GMDS: variants seen among roughly 807,000 people sequenced by gnomAD.
GMDS encodes the protein GDP-mannose 4,6 dehydratase.
Under a neutral mutation model 49.9 loss-of-function variants are expected in GMDS, and 20 were observed. That is an observed-to-expected ratio of 0.40 (90% CI 0.28 to 0.58). The LOEUF (loss-of-function observed/expected upper bound fraction) is 0.58. GMDS is among the 20% of genes least tolerant of loss of function. The pLI is 0.42. For synonymous variants in GMDS, 177 were observed against 178.6 expected (o/e 0.99, Z 0.07); for missense variants, 362 against 481.4 (o/e 0.75, Z 2.32).
chr6:1,978,896 G>A (rs950646767), intron 4 of GMDS, among the ~76,000 whole-genome samples: 3 of 152,138 alleles, frequency 2.0e-5, no homozygotes, highest in Admixed American at 2.0e-4. Flanking sequence ...CCAGAGGAAG[G>A]GGCAAGCTGC....
intron 9 of GMDS, among the ~76,000 whole-genome samples, chr6:1,705,556 ATAAT>A (rs1765702744): frequency 6.6e-6 from 1 of 152,260 alleles, no homozygotes; most frequent in Non-Finnish European, 1.5e-5. Flanking sequence ...GACAGACTAC[ATAAT>A]TAGTCTTGTG....
intron 9 of GMDS, among the ~76,000 whole-genome samples, chr6:1,681,829 G>A (rs1259370031): frequency 1.3e-5 from 2 of 152,214 alleles, no homozygotes; most frequent in African/African-American, 4.8e-5. Flanking sequence ...CTGAGTAGAT[G>A]GGACTATAGG....
chr6:1,811,301 T>C (rs1158875652), intron 7 of GMDS, among the ~76,000 whole-genome samples: 2 of 152,206 alleles, frequency 1.3e-5, no homozygotes, highest in Non-Finnish European at 2.9e-5. Flanking sequence ...TAATATTCAG[T>C]ATGATGCCAT....
At chr6:2,042,845 C>T (rs922364174) in intron 4 of GMDS, among the ~76,000 whole-genome samples, 2 of 152,174 alleles carry the variant, frequency 1.3e-5, no homozygotes, top group Non-Finnish European at 2.9e-5. Flanking sequence ...CACTCGGACT[C>T]GTTTCCTTAA....
intron 9 of GMDS, among the ~76,000 whole-genome samples, chr6:1,663,964 C>T (rs974829941): frequency 1.4e-4 from 22 of 152,152 alleles, no homozygotes; most frequent in African/African-American, 5.3e-4. Context: ...GCTTAGCACC[C>T]TCAGGACCCA....
intron 4 of GMDS, among the ~76,000 whole-genome samples, chr6:2,079,717 C>T (rs548243169): frequency 6.6e-6 from 1 of 152,144 alleles, no homozygotes; most frequent in South Asian, 2.1e-4. Flanking sequence ...GCACTTTTCT[C>T]TTGCCTTTTT....
intron 9 of GMDS, among the ~76,000 whole-genome samples, chr6:1,642,365 C>T (rs1375773698): frequency 3.3e-5 from 5 of 151,774 alleles, no homozygotes; most frequent in Admixed American, 2.6e-4. Context: ...GACAGGGTTT[C>T]ACCATGTTGG....
chr6:2,223,764 G>C (rs1780701629), intron 1 of GMDS, among the ~76,000 whole-genome samples: 1 of 152,184 alleles, frequency 6.6e-6, no homozygotes, highest in South Asian at 2.1e-4. Flanking sequence ...ATGTGGAGTA[G>C]GAGATGTCTA....
At chr6:1,670,859 A>T (rs1764399648) in intron 9 of GMDS, among the ~76,000 whole-genome samples, 2 of 152,212 alleles carry the variant, frequency 1.3e-5, no homozygotes, top group Admixed American at 6.5e-5. Flanking sequence ...ATGCATCTTC[A>T]TTCTGAAAAC....
At chr6:2,080,271 T>G (rs1772603675) in intron 4 of GMDS, among the ~76,000 whole-genome samples, 1 of 152,244 alleles carries the variant, frequency 6.6e-6, no homozygotes, top group Admixed American at 6.5e-5. Context: ...TCACTGAGCT[T>G]CTTCACAATC....
chr6:1,872,671 A>G (rs1157271471), intron 7 of GMDS, among the ~76,000 whole-genome samples: 1 of 152,276 alleles, frequency 6.6e-6, no homozygotes. Context: ...AATAAGTCAA[A>G]GAGCAAGCAA....
intron 4 of GMDS, among the ~76,000 whole-genome samples, chr6:2,035,038 C>A (rs1206239932): frequency 1.3e-5 from 2 of 152,090 alleles, no homozygotes; most frequent in East Asian, 3.9e-4. Context: ...AGCCTTCTTA[C>A]CACATAAGAA....
intron 1 of GMDS, among the ~76,000 whole-genome samples, chr6:2,155,319 A>G (rs1469149920): frequency 3.9e-5 from 6 of 152,160 alleles, no homozygotes; most frequent in South Asian, 2.1e-4. Flanking sequence ...TGCAAAAAAG[A>G]CTATGATTTT....
At chr6:2,207,843 C>T (rs1779873536) in intron 1 of GMDS, among the ~76,000 whole-genome samples, 1 of 151,818 alleles carries the variant, frequency 6.6e-6, no homozygotes, top group African/African-American at 2.4e-5. Flanking sequence ...TTCTTAATAA[C>T]TAAGGGACAC....
chr6:2,077,318 T>C (rs1772403565), intron 4 of GMDS, among the ~76,000 whole-genome samples: 1 of 152,164 alleles, frequency 6.6e-6, no homozygotes. Context: ...CAGTGCCATG[T>C]AGAATAGGAG....
At chr6:1,898,070 C>T (rs61171046) in intron 7 of GMDS, among the ~76,000 whole-genome samples, 794 of 48,230 alleles carry the variant, frequency 0.016, 31 homozygotes, top group Middle Eastern at 0.047. Flanking sequence ...TGGACACCTA[C>T]CCTGGCCTCC....
intron 4 of GMDS, among the ~76,000 whole-genome samples, chr6:2,041,920 C>A (rs1170001110): frequency 6.6e-6 from 1 of 152,126 alleles, no homozygotes; most frequent in Non-Finnish European, 1.5e-5. Flanking sequence ...GACAATGCCA[C>A]CCACAAATGT....
At chr6:1,949,317 C>A (rs1193967341) in intron 6 of GMDS, among the ~76,000 whole-genome samples, 1 of 151,822 alleles carries the variant, frequency 6.6e-6, no homozygotes, top group Admixed American at 6.6e-5. Flanking sequence ...AGTGACGTGC[C>A]CAAATGCACA....
At chr6:1,888,686 T>C (rs921266192) in intron 7 of GMDS, among the ~76,000 whole-genome samples, 2 of 152,180 alleles carry the variant, frequency 1.3e-5, no homozygotes, top group African/African-American at 4.8e-5. Flanking sequence ...ATTCCAGCAT[T>C]AACCCAAAAG....
Sources: allele counts gnomAD v4.1 joint callset (sites outside exome capture counted in the v4.1 genomes callset), GRCh38; gene constraint gnomAD v4.1.1; transcripts MANE v1.5; gene names NCBI Gene and HGNC (gene_info 2026-07-23, HGNC 2026-07-21).